The following PLXNA2 variants were observed in gnomAD, a reference collection of about 807,000 sequenced individuals.
The protein encoded by PLXNA2 is plexin A2, also known as plexin-A2.
Under a neutral mutation model 193.5 loss-of-function variants are expected in PLXNA2, and 91 were observed. The ratio of observed to expected loss-of-function variants is 0.47; its 90% CI spans 0.40 to 0.56. PLXNA2 has a LOEUF of 0.56. Among genes scored for constraint, PLXNA2 ranks in the 20% least tolerant of loss-of-function variants. PLXNA2 has a pLI of 0.00. For synonymous variants in PLXNA2, 997 were observed against 1,027.3 expected (o/e 0.97, Z 0.56); for missense variants, 1,995 against 2,503.2 (o/e 0.80, Z 4.33).
intron 3 of PLXNA2, among the ~76,000 whole-genome samples, chr1:208,200,999 A>G (rs1670534897): frequency 6.6e-6 from 1 of 152,258 alleles, no homozygotes; most frequent in African/African-American, 2.4e-5. Context: ...ACATGGTAAT[A>G]GTACAGGAGT....
At chr1:208,212,345 G>A (rs1036935908) in intron 2 of PLXNA2, among the ~76,000 whole-genome samples, 3 of 152,090 alleles carry the variant, frequency 2.0e-5, no homozygotes, top group African/African-American at 7.2e-5. Context: ...CATTTTTTGT[G>A]GTTCCACAGT....
intron 3 of PLXNA2, among the ~76,000 whole-genome samples, chr1:208,207,083 G>A (rs1670753579): frequency 6.6e-6 from 1 of 152,196 alleles, no homozygotes; most frequent in African/African-American, 2.4e-5. Context: ...TTGGCTCACT[G>A]CAACCTCCAC....
intron 3 of PLXNA2, chr1:208,210,032 T>C (rs1353461968): frequency 3.8e-6 from 1 of 265,564 alleles, no homozygotes; most frequent in Middle Eastern, 1.1e-3. Context: ...TTCTTAAAGT[T>C]TTTTCTTAAA....
intron 3 of PLXNA2, among the ~76,000 whole-genome samples, chr1:208,198,763 T>A (rs11119010): frequency 0.73 from 111,162 of 152,116 alleles, 40,896 homozygotes; most frequent in East Asian, 0.87. Flanking sequence ...CACGTGGACA[T>A]ATGGAAGCGT....
intron 4 of PLXNA2, among the ~76,000 whole-genome samples, chr1:208,107,330 G>T (rs1014921465): frequency 3.3e-5 from 5 of 152,192 alleles, no homozygotes; most frequent in East Asian, 1.9e-4. Context: ...TAAATGTTAG[G>T]TCCTGGGGCC....
intron 4 of PLXNA2, among the ~76,000 whole-genome samples, chr1:208,121,347 G>A (rs1428738249): frequency 6.6e-6 from 1 of 152,156 alleles, no homozygotes; most frequent in Admixed American, 6.5e-5. Flanking sequence ...GAAGCAGATG[G>A]TTAGGTTTCC....
chr1:208,219,145 C>T (rs1403022477), intron 1 of PLXNA2, among the ~76,000 whole-genome samples: 1 of 152,226 alleles, frequency 6.6e-6, no homozygotes, highest in African/African-American at 2.4e-5. Context: ...TCCTGACTCC[C>T]AGGCTTTAAG....
intron 26 of PLXNA2, among the ~76,000 whole-genome samples, chr1:208,035,025 T>A (rs1664628319): frequency 6.6e-6 from 1 of 152,246 alleles, no homozygotes. Context: ...TTTTTATTTT[T>A]ACCTTTTTAA....
At chr1:208,171,657 T>C (rs1669498194) in intron 3 of PLXNA2, among the ~76,000 whole-genome samples, 1 of 152,166 alleles carries the variant, frequency 6.6e-6, no homozygotes, top group Non-Finnish European at 1.5e-5. Context: ...GACACCAGTC[T>C]GGGTAACAGA....
chr1:208,084,952 G>A lies in PLXNA2; in HGVS notation c.2098-372C>T, dbSNP rs574843149. On this transcript the variant is annotated intron_variant, in intron 9 of 31. Transcript: ENST00000367033. ...TCTTGTTCCCCAGCTCCAGATACTC[G>A]GCCCCTTGCATTGTCTGATGCCGAT... Among the ~76,000 whole-genome samples, 47 of 152,242 alleles carry A rather than the reference G, an allele frequency of 3.1e-4. No homozygotes were observed. The South Asian group carries it at 7.5e-3, about 24-fold the overall frequency.
At chr1:208,052,267 A>G (rs1665288212) in intron 15 of PLXNA2, 60 bp downstream of exon 15, 2 of 1,565,160 alleles carry the variant, frequency 1.3e-6, no homozygotes, top group South Asian at 1.1e-5. Flanking sequence ...GCACAGTAAC[A>G]TGTGAACAGC....
intron 3 of PLXNA2, among the ~76,000 whole-genome samples, chr1:208,179,040 C>A (rs150280433): frequency 6.6e-6 from 1 of 152,322 alleles, no homozygotes; most frequent in African/African-American, 2.4e-5. Flanking sequence ...CCCTGACACA[C>A]AGCATCCCCA....
intron 1 of PLXNA2, among the ~76,000 whole-genome samples, chr1:208,241,153 GCT>G (rs1435370285): frequency 6.6e-6 from 1 of 152,186 alleles, no homozygotes; most frequent in African/African-American, 2.4e-5. Context: ...ATAAAGATTA[GCT>G]GAGTAAGCAG....
At chr1:208,060,593 A>G in intron 13 of PLXNA2, 93 bp downstream of exon 13, 2 of 1,284,458 alleles carry the variant, frequency 1.6e-6, no homozygotes, top group Non-Finnish European at 2.2e-6. Flanking sequence ...ATGGGAGATC[A>G]ATCATGGAAA....
At chr1:208,206,548 G>A (rs969891833) in intron 3 of PLXNA2, among the ~76,000 whole-genome samples, 2 of 152,026 alleles carry the variant, frequency 1.3e-5, no homozygotes, top group African/African-American at 2.4e-5. Flanking sequence ...GGTCTAGAAT[G>A]CCCTTCTCTC....
intron 3 of PLXNA2, among the ~76,000 whole-genome samples, chr1:208,143,288 T>C (rs1179389246): frequency 2.0e-5 from 3 of 152,206 alleles, no homozygotes; most frequent in Admixed American, 2.0e-4. Context: ...GTCCTGCAGT[T>C]CTCACACTAG....
At chr1:208,195,610 GCT>G (rs1380333899) in intron 3 of PLXNA2, among the ~76,000 whole-genome samples, 10 of 142,336 alleles carry the variant, frequency 7.0e-5, no homozygotes, top group Non-Finnish European at 1.5e-4. Context: ...ATTCTGTGAA[GCT>G]TTTTCCAGAA....
intron 3 of PLXNA2, among the ~76,000 whole-genome samples, chr1:208,185,304 C>T (rs903773209): frequency 1.3e-5 from 2 of 152,184 alleles, no homozygotes; most frequent in African/African-American, 4.8e-5. Context: ...TTCCCAAGGG[C>T]CAGAAAGTGC....
intron 1 of PLXNA2, among the ~76,000 whole-genome samples, chr1:208,223,104 C>T (rs2102624075): frequency 6.6e-6 from 1 of 152,326 alleles, no homozygotes; most frequent in African/African-American, 2.4e-5. Flanking sequence ...TCCTGGAAGT[C>T]ACTTAGCCTC....
Sources: allele counts gnomAD v4.1 joint callset (sites outside exome capture counted in the v4.1 genomes callset), GRCh38; gene constraint gnomAD v4.1.1; transcripts MANE v1.5; gene names NCBI Gene and HGNC (gene_info 2026-07-23, HGNC 2026-07-21).